MGAT4C: variants seen among roughly 807,000 people sequenced by gnomAD.
MGAT4C encodes MGAT4 family member C.
Under a neutral mutation model 40.1 loss-of-function variants are expected in MGAT4C, and 19 were observed. That is an observed-to-expected ratio of 0.47 (90% CI 0.33 to 0.70). MGAT4C has a LOEUF of 0.70. Among genes scored for constraint, MGAT4C ranks in the 30% least tolerant of loss-of-function variants. The pLI is 0.02. For missense variants in MGAT4C, 491 were observed against 563.2 expected, an observed-to-expected ratio of 0.87 and a Z score of 1.30; for synonymous variants, 181 against 187.1, an observed-to-expected ratio of 0.97 and a Z score of 0.27.
chr12:86,319,137 T>A (rs1954315340), intron 4 of MGAT4C, among the ~76,000 whole-genome samples: 1 of 152,146 alleles, frequency 6.6e-6, no homozygotes, highest in Non-Finnish European at 1.5e-5. Context: ...TTTCTACTCC[T>A]ACTGAAGCCC....
chr12:86,293,541 C>A (rs1953579410), intron 4 of MGAT4C, among the ~76,000 whole-genome samples: 1 of 151,872 alleles, frequency 6.6e-6, no homozygotes, highest in Admixed American at 6.6e-5. Flanking sequence ...AATTCTGAGC[C>A]ATTTCTTATT....
At chr12:86,427,656 A>G (rs560965054) in intron 3 of MGAT4C, among the ~76,000 whole-genome samples, 2 of 152,274 alleles carry the variant, frequency 1.3e-5, no homozygotes, top group African/African-American at 2.4e-5. Flanking sequence ...TGTGGAAATG[A>G]AGTATATAAT....
chr12:86,420,678 A>G (rs1956803357), intron 3 of MGAT4C, among the ~76,000 whole-genome samples: 1 of 151,850 alleles, frequency 6.6e-6, no homozygotes, highest in South Asian at 2.1e-4. Context: ...CTAATATTAT[A>G]GTTTGAAACA....
intron 1 of MGAT4C, among the ~76,000 whole-genome samples, chr12:86,110,155 C>T (rs967242612): frequency 2.0e-5 from 3 of 147,078 alleles, no homozygotes; most frequent in Admixed American, 6.9e-5. Flanking sequence ...AGATCTTTTA[C>T]GTAACATGTT....
At chr12:86,766,462 G>T (rs572707320) in intron 1 of MGAT4C, among the ~76,000 whole-genome samples, 1 of 152,156 alleles carries the variant, frequency 6.6e-6, no homozygotes, top group East Asian at 1.9e-4. Context: ...AGATCAACGA[G>T]ACAGAAAGTT....
chr12:86,831,763 A>G (rs997108823), intron 1 of MGAT4C, among the ~76,000 whole-genome samples: 1 of 151,840 alleles, frequency 6.6e-6, no homozygotes, highest in Admixed American at 6.6e-5. Context: ...TGTTGTATTA[A>G]GGTTCTACAT....
At position 85,964,176 on chromosome 12, in the gene MGAT4C, A is replaced by G. The variant is rs1383644477; in HGVS notation, c.*15113T>C. On this transcript the variant is annotated 3_prime_UTR_variant, in exon 5 of 5. Coordinates refer to ENST00000611864, the MANE Select transcript of MGAT4C (RefSeq NM_001351288.2). The stretch of plus-strand genomic sequence containing the variant: ...ATTATAAAACACCAATGATTAGATT[A>G]TGTTATAAAGACACTATGAAGAGAT... 3.9e-5 allele frequency: 6 copies of G among 152,136 alleles called. No individual in the cohort carries two copies. Among genetic ancestry groups the G allele is most frequent in the Non-Finnish European group, 8.8e-5 (6 of 67,952 alleles). The allele number at this position is 152,136 out of a possible 1,614,324, so 9.4% of individuals were successfully genotyped here. A position where few individuals can be genotyped will look rare whatever the true frequency, so the allele number is the denominator to read the frequency against.
At chr12:86,458,893 A>C (rs188549932) in intron 2 of MGAT4C, among the ~76,000 whole-genome samples, 251 of 151,976 alleles carry the variant, frequency 1.7e-3, no homozygotes, top group African/African-American at 5.9e-3. Context: ...TAATGCAAGA[A>C]AGGGTGAGGT....
chr12:86,381,931 C>A (rs536443226), intron 3 of MGAT4C, among the ~76,000 whole-genome samples: 4 of 152,178 alleles, frequency 2.6e-5, no homozygotes, highest in African/African-American at 9.7e-5. Flanking sequence ...GTGAGACATG[C>A]CTTTCACCTT....
chr12:86,154,422 TG>T (rs1429107717), intron 1 of MGAT4C, among the ~76,000 whole-genome samples: 4 of 152,154 alleles, frequency 2.6e-5, no homozygotes, highest in Non-Finnish European at 5.9e-5. Context: ...TCAGCTCCGG[TG>T]TAAGTCAGGC....
intron 2 of MGAT4C, among the ~76,000 whole-genome samples, chr12:86,541,356 T>C (rs983279172): frequency 6.6e-6 from 1 of 152,214 alleles, no homozygotes; most frequent in African/African-American, 2.4e-5. Context: ...ATAAAATTTG[T>C]GGACTACGAT....
At chr12:86,522,695 T>A (rs1158212323) in intron 2 of MGAT4C, among the ~76,000 whole-genome samples, 1 of 152,142 alleles carries the variant, frequency 6.6e-6, no homozygotes. Flanking sequence ...TTTGTACATC[T>A]GGTAAAATTC....
At chr12:86,071,673 A>C (rs535156265) in intron 1 of MGAT4C, among the ~76,000 whole-genome samples, 1 of 152,262 alleles carries the variant, frequency 6.6e-6, no homozygotes, top group East Asian at 1.9e-4. Context: ...ATAGCTTTAC[A>C]TATTTTAAAT....
chr12:86,323,564 T>A (rs144746912), intron 4 of MGAT4C, among the ~76,000 whole-genome samples: 230 of 151,978 alleles, frequency 1.5e-3, no homozygotes, highest in African/African-American at 5.4e-3. Flanking sequence ...AAGGAAAATA[T>A]AATATCCAAA....
intron 2 of MGAT4C, among the ~76,000 whole-genome samples, chr12:86,529,664 G>A (rs538980696): frequency 6.6e-6 from 1 of 151,940 alleles, no homozygotes; most frequent in African/African-American, 2.4e-5. Context: ...AATTTGTTTT[G>A]GTTTTTGATT....
intron 3 of MGAT4C, among the ~76,000 whole-genome samples, chr12:86,396,157 G>A (rs1956258107): frequency 6.6e-6 from 1 of 151,872 alleles, no homozygotes; most frequent in South Asian, 2.1e-4. Flanking sequence ...TCAACTGACG[G>A]ACCTCAAACC....
chr12:86,795,017 A>C (rs1004837645), intron 1 of MGAT4C, among the ~76,000 whole-genome samples: 1 of 151,980 alleles, frequency 6.6e-6, no homozygotes, highest in African/African-American at 2.4e-5. Flanking sequence ...AAATATATTT[A>C]AAATGATATA....
intron 1 of MGAT4C, among the ~76,000 whole-genome samples, chr12:86,250,313 C>G (rs1450692927): frequency 7.3e-6 from 1 of 137,372 alleles, no homozygotes; most frequent in Non-Finnish European, 1.5e-5. Flanking sequence ...AAACAAGCAA[C>G]CTACACACAC....
At chr12:86,749,996 A>G (rs1419993142) in intron 1 of MGAT4C, among the ~76,000 whole-genome samples, 2 of 148,562 alleles carry the variant, frequency 1.3e-5, no homozygotes, top group African/African-American at 5.2e-5. Context: ...GCATAGTAGG[A>G]ATCAATGTAT....
Sources: gnomAD v4.1 joint callset for allele counts (sites outside exome capture counted in the v4.1 genomes callset) on GRCh38, gnomAD v4.1.1 for gene constraint, MANE v1.5 for transcripts, NCBI Gene and HGNC (gene_info 2026-07-23, HGNC 2026-07-21) for gene names.